SLIT3: variants seen among roughly 807,000 people sequenced by gnomAD.
SLIT3 encodes the protein slit guidance ligand 3.
In SLIT3, 68 loss-of-function variants were observed where a neutral mutation model predicts 184.0. The observed-to-expected ratio is 0.37, with a 90% CI of 0.30 to 0.45. The LOEUF (loss-of-function observed/expected upper bound fraction) is 0.45, where lower values mean the gene tolerates loss of function less well. Among genes scored for constraint, SLIT3 ranks in the 20% least tolerant of loss-of-function variants. The pLI is 1.00. For missense variants in SLIT3, 1,707 were observed against 2,026.0 expected (o/e 0.84, Z 3.02); for synonymous variants, 831 against 828.6 (o/e 1.00, Z -0.05).
chr5:169,091,522 A>C (rs977659903), intron 4 of SLIT3, among the ~76,000 whole-genome samples: 5 of 152,258 alleles, frequency 3.3e-5, no homozygotes, highest in African/African-American at 9.6e-5. Flanking sequence ...TGGAAGCTAA[A>C]CAGCACACTG....
In SLIT3 at chr5:168,798,223, C is replaced by CTTTTTTTTTTTTTTTTTTT. The variant is rs747746239; in HGVS notation, c.936-2646_936-2645insAAAAAAAAAAAAAAAAAAA. On this transcript the variant is annotated intron_variant, in intron 9 of 35. Coordinates refer to ENST00000519560, the MANE Select transcript of SLIT3 (RefSeq NM_003062.4). ...TTGGTTTTCTTTTCTTCTTCTTCTT[C>CTTTTTTTTTTTTTTTTTTT]TTTTTTTTTTTTTTTTAAGAGACAG... Among the ~76,000 whole-genome samples the CTTTTTTTTTTTTTTTTTTT allele has an allele frequency of 5.5e-5, 6 of 109,058 alleles. 1 individual carries two copies. Among genetic ancestry groups the CTTTTTTTTTTTTTTTTTTT allele is most frequent in the African/African-American group, 2.7e-4 (6 of 21,982 alleles). 71.5% of individuals were successfully genotyped at this position (109,058 alleles called of 152,430 possible). A position where few individuals can be genotyped will look rare whatever the true frequency, so the allele number is the denominator to read the frequency against.
intron 14 of SLIT3, among the ~76,000 whole-genome samples, chr5:168,765,790 G>A (rs748949000): frequency 8.5e-5 from 13 of 152,086 alleles, no homozygotes; most frequent in South Asian, 2.1e-4. Flanking sequence ...ACTCAACCTC[G>A]GCTGAAACCA....
intron 25 of SLIT3, among the ~76,000 whole-genome samples, chr5:168,709,432 G>A (rs1445714831): frequency 6.6e-6 from 1 of 152,152 alleles, no homozygotes; most frequent in Non-Finnish European, 1.5e-5. Flanking sequence ...CCACACCCAG[G>A]TTGTACCCCA....
chr5:168,928,342 A>T (rs1013695723), intron 4 of SLIT3, among the ~76,000 whole-genome samples: 2 of 152,246 alleles, frequency 1.3e-5, no homozygotes, highest in African/African-American at 4.8e-5. Flanking sequence ...ATGAGTAATG[A>T]TTAAATTTTA....
At chr5:169,083,569 C>T (rs1279909557) in intron 4 of SLIT3, among the ~76,000 whole-genome samples, 1 of 152,222 alleles carries the variant, frequency 6.6e-6, no homozygotes, top group African/African-American at 2.4e-5. Flanking sequence ...ATCTCCTGCT[C>T]TTCAAAGGGG....
intron 6 of SLIT3, among the ~76,000 whole-genome samples, chr5:168,843,379 T>C (rs981160677): frequency 9.8e-5 from 15 of 152,362 alleles, no homozygotes; most frequent in Non-Finnish European, 2.2e-4. Flanking sequence ...TTGGCATTCA[T>C]TGATTCTTCT....
At chr5:169,169,121 C>T (rs1010842127) in intron 4 of SLIT3, among the ~76,000 whole-genome samples, 5 of 152,186 alleles carry the variant, frequency 3.3e-5, no homozygotes, top group Non-Finnish European at 7.3e-5. Flanking sequence ...CTCTAGGTGC[C>T]GGCTCCTAAC....
chr5:168,717,256 A>G (rs1762768311), intron 23 of SLIT3, among the ~76,000 whole-genome samples: 1 of 138,354 alleles, frequency 7.2e-6, no homozygotes, highest in African/African-American at 2.8e-5. Flanking sequence ...GATCTGTGAA[A>G]TGGGGATAAC....
At chr5:168,757,409 G>T (rs150872154) in intron 16 of SLIT3, among the ~76,000 whole-genome samples, 1 of 152,290 alleles carries the variant, frequency 6.6e-6, no homozygotes, top group East Asian at 1.9e-4. Flanking sequence ...GTGTCTGGGT[G>T]TGCAACCCCT....
chr5:169,272,071 T>C (rs115215826), intron 1 of SLIT3, among the ~76,000 whole-genome samples: 1 of 152,242 alleles, frequency 6.6e-6, no homozygotes, highest in East Asian at 1.9e-4. Flanking sequence ...GGGCAGTGCC[T>C]GAGCTATAGG....
intron 4 of SLIT3, among the ~76,000 whole-genome samples, chr5:168,955,640 A>G (rs116877853): frequency 0.019 from 2,836 of 152,250 alleles, 44 homozygotes; most frequent in East Asian, 0.032. Flanking sequence ...GGCTTGGGAG[A>G]CCTGTCACTG....
chr5:169,090,371 C>T (rs890825834), intron 4 of SLIT3, among the ~76,000 whole-genome samples: 7 of 152,182 alleles, frequency 4.6e-5, no homozygotes, highest in Non-Finnish European at 8.8e-5. Context: ...AGATGGAAGC[C>T]AGCTGACATG....
chr5:168,770,864 C>T (rs1209732862), intron 14 of SLIT3, among the ~76,000 whole-genome samples: 2 of 152,056 alleles, frequency 1.3e-5, no homozygotes, highest in African/African-American at 4.8e-5. Flanking sequence ...TTCCTTTTCT[C>T]CTACTTAGTT....
chr5:168,714,069 G>A (rs1172374087), intron 23 of SLIT3, among the ~76,000 whole-genome samples: 4 of 152,198 alleles, frequency 2.6e-5, no homozygotes, highest in African/African-American at 9.7e-5. Flanking sequence ...GGGTGAAAGT[G>A]AGCCTCAGTG....
intron 4 of SLIT3, among the ~76,000 whole-genome samples, chr5:169,071,379 G>A (rs1758540088): frequency 6.6e-6 from 1 of 152,138 alleles, no homozygotes. Flanking sequence ...CTAAGAAGTA[G>A]CAGCAGGAGA....
chr5:168,856,806 T>TGTGTGTGTGCGCGCGCGCGCGC (rs374432432), intron 5 of SLIT3, among the ~76,000 whole-genome samples: 1 of 137,740 alleles, frequency 7.3e-6, no homozygotes, highest in African/African-American at 2.8e-5. Context: ...TGTGTGTGTG[T>TGTGTGTGTGCGCGCGCGCGCGC]GCGCGCGCGC....
At chr5:169,157,495 T>A (rs1340043909) in intron 4 of SLIT3, among the ~76,000 whole-genome samples, 3 of 152,118 alleles carry the variant, frequency 2.0e-5, no homozygotes, top group Non-Finnish European at 4.4e-5. Flanking sequence ...CAGGTATCAG[T>A]GGAGGCCAAG....
intron 4 of SLIT3, among the ~76,000 whole-genome samples, chr5:169,006,982 C>T (rs1189715908): frequency 5.3e-5 from 8 of 152,158 alleles, no homozygotes; most frequent in Non-Finnish European, 1.2e-4. Flanking sequence ...TCCGTGTCCC[C>T]ACCCAAGTCT....
intron 20 of SLIT3, among the ~76,000 whole-genome samples, chr5:168,741,146 G>C (rs1217585483): frequency 6.6e-6 from 1 of 152,098 alleles, no homozygotes; most frequent in African/African-American, 2.4e-5. Context: ...CTGAGCATTG[G>C]GAAATGCCTG....
Sources: gnomAD v4.1 joint callset for allele counts (sites outside exome capture counted in the v4.1 genomes callset) on GRCh38, gnomAD v4.1.1 for gene constraint, MANE v1.5 for transcripts, NCBI Gene and HGNC (gene_info 2026-07-23, HGNC 2026-07-21) for gene names.